Variants in TMEM178B observed in about 807,000 individuals in gnomAD.
The protein encoded by TMEM178B is transmembrane protein 178B.
In TMEM178B, 5 loss-of-function variants were observed where a neutral mutation model predicts 31.0. The ratio of observed to expected loss-of-function variants is 0.16; its 90% confidence interval spans 0.08 to 0.34. The LOEUF is 0.34. TMEM178B is among the 10% of genes least tolerant of loss of function. TMEM178B has a pLI of 1.00. For missense variants in TMEM178B, 275 were observed against 400.3 expected, an observed-to-expected ratio of 0.69 and a Z score of 2.67; for synonymous variants, 164 against 164.0, an observed-to-expected ratio of 1.00 and a Z score of 0.00.
intron 1 of TMEM178B, among the ~76,000 whole-genome samples, chr7:141,177,222 A>G (rs1035955158): frequency 4.6e-5 from 7 of 152,166 alleles, no homozygotes; most frequent in Admixed American, 4.6e-4. Context: ...ATTCAGGAGC[A>G]GGTTGTTCAG....
rs1303551118 is a variant in TMEM178B at position 141,074,554 on chromosome 7, G to A, written c.244G>A (p.Ala82Thr). The stretch of plus-strand genomic sequence containing the variant: ...CCGCTGGGAGGGCAAACTCCTCCGG[G>A]CCCGGAATCGCCGGCAGCTGTTCGC... Reference protein sequence around the residue: ...LDRWEGKLLRARNRRQLFAMS... With the variant: ...LDRWEGKLLRTRNRRQLFAMS... The change falls in exon 1 of 4, where the codon GCC becomes ACC. Residue 82 changes from alanine (A) to threonine (T), a missense_variant. Transcript: ENST00000565468. This position sits in a 1 kb window ranked among gnomAD's most constrained non-coding sequence, Gnocchi z 5.1. The A allele has an allele frequency of 2.0e-6, 3 of 1,535,972 alleles. No individual in the cohort carries two copies. The highest frequency in any genetic ancestry group is 2.6e-6 in the Non-Finnish European group (3 of 1,146,788).
intron 2 of TMEM178B, among the ~76,000 whole-genome samples, chr7:141,400,522 G>A (rs918116137): frequency 6.6e-6 from 1 of 152,222 alleles, no homozygotes; most frequent in East Asian, 1.9e-4. Flanking sequence ...CCTTGTTTGA[G>A]GCAGGGAATA....
At chr7:141,155,949 CA>C (rs1796062940) in intron 1 of TMEM178B, among the ~76,000 whole-genome samples, 1 of 152,106 alleles carries the variant, frequency 6.6e-6, no homozygotes. Flanking sequence ...CCTGTAATCT[CA>C]ACTACTTGAG....
At chr7:141,501,536 C>G in the TMEM178B span, among the ~76,000 whole-genome samples, 1 of 152,096 alleles carries the variant, frequency 6.6e-6, no homozygotes, top group Non-Finnish European at 1.5e-5. Context: ...GGTCAAACAC[C>G]AGTCTGAATG....
intron 2 of TMEM178B, among the ~76,000 whole-genome samples, chr7:141,253,544 CTTTTTTTT>C (rs34199017): frequency 2.9e-5 from 2 of 70,032 alleles, no homozygotes; most frequent in Non-Finnish European, 5.1e-5. Flanking sequence ...ATTTTCCCTT[CTTTTTTTT>C]TTTTTTTTTT....
chr7:141,154,910 G>T (rs1796043252), intron 1 of TMEM178B, among the ~76,000 whole-genome samples: 1 of 151,976 alleles, frequency 6.6e-6, no homozygotes, highest in African/African-American at 2.4e-5. Flanking sequence ...ATTTTTAGTA[G>T]AGATGGTGGG....
chr7:141,151,596 G>A (rs1367028555), intron 1 of TMEM178B, among the ~76,000 whole-genome samples: 2 of 152,140 alleles, frequency 1.3e-5, no homozygotes, highest in African/African-American at 4.8e-5. Flanking sequence ...AATTAGCATC[G>A]GGAGGATTGA....
chr7:141,298,741 T>A (rs147845120), intron 2 of TMEM178B, among the ~76,000 whole-genome samples: 39 of 152,344 alleles, frequency 2.6e-4, no homozygotes, highest in Non-Finnish European at 5.3e-4. Flanking sequence ...GGTAAACAAG[T>A]AAATATGGTG....
At chr7:141,121,664 G>A (rs1313805555) in intron 1 of TMEM178B, among the ~76,000 whole-genome samples, 4 of 152,178 alleles carry the variant, frequency 2.6e-5, no homozygotes, top group Non-Finnish European at 4.4e-5. Context: ...ATTGGGAAGA[G>A]AGTTCGAAAT....
intron 1 of TMEM178B, among the ~76,000 whole-genome samples, chr7:141,095,540 C>A (rs1794946243): frequency 6.6e-6 from 1 of 152,180 alleles, no homozygotes; most frequent in African/African-American, 2.4e-5. Flanking sequence ...CTTTCTTCCA[C>A]AACTATCCCA....
chr7:141,226,774 C>T lies in TMEM178B; in HGVS notation c.496+14070C>T, dbSNP rs144350737. On this transcript the variant is annotated intron_variant, in intron 2 of 3. Transcript: ENST00000565468. ...TCAAGTGGCTAAGGCATGAGAATTG[C>T]TTGAACCCAGGAGGTGGAGGTTGCA... Among the ~76,000 whole-genome samples, 5 of 148,840 alleles carry T rather than the reference C, an allele frequency of 3.4e-5. No homozygotes were observed. In the East Asian group the frequency reaches 1.0e-3, roughly 30 times the overall value.
At chr7:141,135,440 C>G (rs1178635420) in intron 1 of TMEM178B, among the ~76,000 whole-genome samples, 1 of 152,206 alleles carries the variant, frequency 6.6e-6, no homozygotes, top group Non-Finnish European at 1.5e-5. Flanking sequence ...TTCTTCTCAT[C>G]AGTACATAGA....
At position 141,342,918 on chromosome 7, in the gene TMEM178B, T is replaced by G. The variant is rs1247615319; in HGVS notation, c.497-94690T>G. Among the ~76,000 whole-genome samples, 3 of 152,316 alleles carry G rather than the reference T, an allele frequency of 2.0e-5. No homozygotes were observed. The East Asian group carries it at 5.8e-4, about 29-fold the overall frequency. On this transcript the variant is annotated intron_variant, in intron 2 of 3. Transcript: ENST00000565468. ...GCCAACTTCCTGTCATTATTTTGTT[T>G]TCCATTGCTCATGTCTAGCTGCGCC...
the TMEM178B span, among the ~76,000 whole-genome samples, chr7:141,492,454 G>A: frequency 6.6e-6 from 1 of 152,282 alleles, no homozygotes; most frequent in Non-Finnish European, 1.5e-5. Flanking sequence ...ACAAGGGCAG[G>A]GACTCTGTCT....
intron 2 of TMEM178B, among the ~76,000 whole-genome samples, chr7:141,250,990 T>C (rs1393756823): frequency 6.6e-6 from 1 of 152,144 alleles, no homozygotes; most frequent in Non-Finnish European, 1.5e-5. Context: ...CCTCGGCTTT[T>C]CCTTTGCATT....
intron 1 of TMEM178B, among the ~76,000 whole-genome samples, chr7:141,175,765 T>C (rs1796423579): frequency 6.6e-6 from 1 of 152,172 alleles, no homozygotes; most frequent in Non-Finnish European, 1.5e-5. Flanking sequence ...TGTTTGTCTG[T>C]TATTGGTGTA....
rs544140271 is a variant in TMEM178B at position 141,274,761 on chromosome 7, A to G, written c.496+62057A>G. On this transcript the variant is annotated intron_variant, in intron 2 of 3. Coordinates refer to ENST00000565468, the MANE Select transcript of TMEM178B (RefSeq NM_001195278.2). ...AAGGAGGGCGGAGGGTGAGGTCTGCATGGGAACATCCCTTTGGCCCCTGGG... is the reference window on the plus strand; with the variant it reads ...AAGGAGGGCGGAGGGTGAGGTCTGCGTGGGAACATCCCTTTGGCCCCTGGG... Among the ~76,000 whole-genome samples the G allele has an allele frequency of 1.3e-3, 199 of 152,314 alleles. 1 individual carries two copies. Among genetic ancestry groups the G allele is most frequent in the African/African-American group, 4.6e-3 (193 of 41,580 alleles).
At chr7:141,284,862 G>A (rs1006093339) in intron 2 of TMEM178B, among the ~76,000 whole-genome samples, 4 of 152,120 alleles carry the variant, frequency 2.6e-5, no homozygotes, top group African/African-American at 7.2e-5. Flanking sequence ...GTGATCAAAG[G>A]GGCTCCATGA....
intron 1 of TMEM178B, among the ~76,000 whole-genome samples, chr7:141,158,942 A>G (rs1309824939): frequency 6.6e-6 from 1 of 152,170 alleles, no homozygotes; most frequent in Non-Finnish European, 1.5e-5. Context: ...TAAAAAAATT[A>G]GAGATGGAGA....
Sources: allele counts gnomAD v4.1 joint callset (sites outside exome capture counted in the v4.1 genomes callset), GRCh38; gene constraint gnomAD v4.1.1; non-coding constraint Gnocchi (gnomAD v3.1); transcripts MANE v1.5; gene names NCBI Gene and HGNC (gene_info 2026-07-23, HGNC 2026-07-21).